Variants in BTBD9 observed in about 807,000 individuals in gnomAD.
BTBD9 encodes BTB/POZ domain-containing protein 9.
Under a neutral mutation model 64.3 loss-of-function variants are expected in BTBD9, and 49 were observed. That is an observed-to-expected ratio of 0.76 (90% CI 0.61 to 0.97). BTBD9 has a LOEUF of 0.97. Among genes scored for constraint, BTBD9 ranks in the 50% least tolerant of loss-of-function variants. The pLI is 0.00. For missense variants in BTBD9, 598 were observed against 762.1 expected (o/e 0.78, Z 2.53); for synonymous variants, 260 against 274.7 (o/e 0.95, Z 0.53).
At chr6:38,518,796 G>A (rs966452924) in intron 6 of BTBD9, among the ~76,000 whole-genome samples, 1 of 152,170 alleles carries the variant, frequency 6.6e-6, no homozygotes, top group Non-Finnish European at 1.5e-5. Flanking sequence ...TGGTTGGAGA[G>A]GCATGTGAAT....
intron 6 of BTBD9, among the ~76,000 whole-genome samples, chr6:38,513,784 G>A (rs1772885057): frequency 6.6e-6 from 1 of 152,148 alleles, no homozygotes; most frequent in Non-Finnish European, 1.5e-5. Context: ...GGGGAATCAG[G>A]TGAGAGGAAG....
rs548173961 is a variant in BTBD9 at position 38,382,083 on chromosome 6, T to A, written c.1155-36990A>T. 3.9e-5 allele frequency among the ~76,000 whole-genome samples: 6 copies of A among 152,150 alleles called. No homozygotes were observed. The South Asian group carries it at 1.2e-3, about 32-fold the overall frequency. ...TCAACTTTTGCAGAATTATGGAACC[T>A]AATTAAAACCCTTCAACAATTAGGG... is the stretch of plus-strand genomic sequence containing the variant. On this transcript the variant is annotated intron_variant, in intron 6 of 10. Transcript: ENST00000481247.
At chr6:38,322,946 A>G (rs1763291979) in intron 7 of BTBD9, among the ~76,000 whole-genome samples, 1 of 152,232 alleles carries the variant, frequency 6.6e-6, no homozygotes, top group African/African-American at 2.4e-5. Context: ...ATTGAAAAAT[A>G]AAAATAACAT....
intron 8 of BTBD9, among the ~76,000 whole-genome samples, chr6:38,260,248 A>T (rs1043300549): frequency 6.6e-6 from 1 of 152,226 alleles, no homozygotes; most frequent in Non-Finnish European, 1.5e-5. Context: ...GTAGAGTAAA[A>T]CTAGGGGAAA....
chr6:38,333,344 G>A (rs534165364), intron 7 of BTBD9, among the ~76,000 whole-genome samples: 3 of 152,308 alleles, frequency 2.0e-5, no homozygotes, highest in African/African-American at 7.2e-5. Context: ...AAATGTGCAA[G>A]TATTACGAAG....
At chr6:38,255,872 C>T (rs974744135) in intron 9 of BTBD9, among the ~76,000 whole-genome samples, 3 of 151,956 alleles carry the variant, frequency 2.0e-5, no homozygotes, top group Non-Finnish European at 2.9e-5. Context: ...ACAATGAGAA[C>T]ACTTGGACAT....
chr6:38,345,418 C>T (rs1764241190), intron 6 of BTBD9, among the ~76,000 whole-genome samples: 1 of 152,220 alleles, frequency 6.6e-6, no homozygotes, highest in Non-Finnish European at 1.5e-5. Context: ...GACATTTATA[C>T]CGGAGAATAA....
At chr6:38,516,369 T>A (rs1773025985) in intron 6 of BTBD9, among the ~76,000 whole-genome samples, 1 of 152,172 alleles carries the variant, frequency 6.6e-6, no homozygotes, top group Non-Finnish European at 1.5e-5. Flanking sequence ...TGACTTTATG[T>A]CCCTAGGTTA....
At chr6:38,338,277 T>A (rs573459522) in intron 7 of BTBD9, among the ~76,000 whole-genome samples, 1 of 152,110 alleles carries the variant, frequency 6.6e-6, no homozygotes, top group East Asian at 1.9e-4. Flanking sequence ...TGGAGCAGAG[T>A]GGGATGGCAC....
intron 1 of BTBD9, among the ~76,000 whole-genome samples, chr6:38,599,071 T>C (rs1027723002): frequency 1.3e-5 from 2 of 152,184 alleles, no homozygotes; most frequent in Admixed American, 1.3e-4. Flanking sequence ...TCCAAACTTG[T>C]TGCTCTGATG....
intron 7 of BTBD9, among the ~76,000 whole-genome samples, chr6:38,321,674 A>G (rs1338920564): frequency 6.6e-6 from 1 of 152,152 alleles, no homozygotes; most frequent in East Asian, 1.9e-4. Flanking sequence ...AACTCCTTAG[A>G]CAAGAAAATG....
intron 7 of BTBD9, among the ~76,000 whole-genome samples, chr6:38,318,888 A>G (rs1763128665): frequency 1.3e-5 from 2 of 152,214 alleles, no homozygotes; most frequent in African/African-American, 4.8e-5. Context: ...GCAGGTCCAG[A>G]GATGCTGTGT....
chr6:38,175,332 G>A lies in BTBD9; in HGVS notation c.1642-150C>T, dbSNP rs946326083. 19 of 724,426 alleles carry A rather than the reference G, an allele frequency of 2.6e-5. 1 individual carries two copies. Among genetic ancestry groups the A allele is most frequent in the Admixed American group, 1.7e-4 (7 of 41,712 alleles). The allele number at this position is 724,426 out of a possible 1,614,324, so 44.9% of individuals were successfully genotyped here. A position where few individuals can be genotyped will look rare whatever the true frequency, so the allele number is the denominator to read the frequency against. ...TCCCACTGCCCACGCCTGCCCCGGC[G>A]CAGACACCTGATGGCAACTAGCATG... is the stretch of plus-strand genomic sequence containing the variant. On this transcript the variant is annotated intron_variant, in intron 10 of 10. Transcript: ENST00000481247.
At chr6:38,188,210 C>T (rs1761903146) in intron 10 of BTBD9, among the ~76,000 whole-genome samples, 2 of 152,234 alleles carry the variant, frequency 1.3e-5, no homozygotes, top group Non-Finnish European at 1.5e-5. Flanking sequence ...TTTCCATGGT[C>T]CCTGTTGCAG....
At chr6:38,231,694 A>G (rs894989387) in intron 9 of BTBD9, among the ~76,000 whole-genome samples, 5 of 152,064 alleles carry the variant, frequency 3.3e-5, no homozygotes, top group African/African-American at 1.2e-4. Context: ...CAGCTCATCA[A>G]CCCCAAGCCA....
At chr6:38,521,622 G>C (rs183683370) in intron 6 of BTBD9, among the ~76,000 whole-genome samples, 2 of 152,140 alleles carry the variant, frequency 1.3e-5, no homozygotes, top group African/African-American at 4.8e-5. Flanking sequence ...AGGCTTACCT[G>C]TAACACAATT....
chr6:38,482,903 C>T (rs977030843), intron 6 of BTBD9, among the ~76,000 whole-genome samples: 6 of 152,164 alleles, frequency 3.9e-5, no homozygotes, highest in African/African-American at 1.2e-4. Flanking sequence ...ATCTATTCTA[C>T]ATACTCTGCC....
chr6:38,545,855 TACACAC>T (rs34465570), intron 6 of BTBD9, among the ~76,000 whole-genome samples: 5,050 of 130,604 alleles, frequency 0.039, 153 homozygotes, highest in African/African-American at 0.096. Flanking sequence ...CACACACACA[TACACAC>T]ACACACACAC....
chr6:38,294,801 T>TA (rs1454991305), intron 7 of BTBD9, among the ~76,000 whole-genome samples: 2 of 131,814 alleles, frequency 1.5e-5, no homozygotes, highest in South Asian at 2.4e-4. Context: ...TAAAGTATAA[T>TA]AAAAAAATAA....
Sources: allele counts gnomAD v4.1 joint callset (sites outside exome capture counted in the v4.1 genomes callset), GRCh38; gene constraint gnomAD v4.1.1; transcripts MANE v1.5; gene names NCBI Gene and HGNC (gene_info 2026-07-23, HGNC 2026-07-21).